UBE2E3: variants seen among roughly 807,000 people sequenced by gnomAD.
UBE2E3 encodes ubiquitin conjugating enzyme E2 E3, also known as ubiquitin-conjugating enzyme E2 E3.
In UBE2E3, 5 loss-of-function variants were observed where a neutral mutation model predicts 23.6. The observed-to-expected ratio is 0.21, with a 90% CI of 0.11 to 0.44. UBE2E3 has a LOEUF of 0.44. UBE2E3 is among the 20% of genes least tolerant of loss of function. The pLI, the probability that UBE2E3 is intolerant of heterozygous loss-of-function variation, is 0.99. For synonymous variants in UBE2E3, 78 were observed against 87.5 expected (o/e 0.89, Z 0.60); for missense variants, 81 against 249.8 (o/e 0.32, Z 4.55).
chr2:181,022,397 C>G (rs752853508), intron 3 of UBE2E3, among the ~76,000 whole-genome samples: 12 of 151,526 alleles, frequency 7.9e-5, no homozygotes. Context: ...TGAACCATTA[C>G]TCCTAGGGGA....
At chr2:181,049,742 A>G (rs1303464457) in intron 3 of UBE2E3, among the ~76,000 whole-genome samples, 2 of 152,042 alleles carry the variant, frequency 1.3e-5, no homozygotes. Flanking sequence ...GTCTTTTTAT[A>G]TGTACACCTG....
chr2:180,993,416 T>A (rs1336590995), intron 3 of UBE2E3, among the ~76,000 whole-genome samples: 1 of 152,222 alleles, frequency 6.6e-6, no homozygotes, highest in African/African-American at 2.4e-5. Context: ...AAATATACTC[T>A]GTCATTCTGT....
intron 3 of UBE2E3, among the ~76,000 whole-genome samples, chr2:181,025,301 T>A (rs913962851): frequency 5.3e-5 from 8 of 151,990 alleles, no homozygotes; most frequent in Middle Eastern, 3.4e-3. Context: ...GACAATGGAG[T>A]GTCTTGCTTT....
chr2:181,042,980 G>GA (rs1216985227), intron 3 of UBE2E3, among the ~76,000 whole-genome samples: 3 of 152,254 alleles, frequency 2.0e-5, no homozygotes, highest in Admixed American at 1.3e-4. Flanking sequence ...ATTGTTACAA[G>GA]AAAGATTGTT....
At chr2:180,990,713 C>T (rs1201654664) in intron 3 of UBE2E3, among the ~76,000 whole-genome samples, 1 of 152,116 alleles carries the variant, frequency 6.6e-6, no homozygotes, top group Non-Finnish European at 1.5e-5. Flanking sequence ...CTGGTTATAT[C>T]TATTATGTTC....
At chr2:181,041,223 A>G (rs1686486803) in intron 3 of UBE2E3, among the ~76,000 whole-genome samples, 1 of 133,924 alleles carries the variant, frequency 7.5e-6, no homozygotes, top group South Asian at 2.5e-4. Flanking sequence ...CGACAGAGCA[A>G]GACTCCGTCT....
At position 181,021,557 on chromosome 2, in the gene UBE2E3, T is replaced by TCCC. The variant is rs1256173512; in HGVS notation, c.246-36136_246-36135insCCC. ...CAACTTTTCTTTTAAATATACTCCC[T>TCCC]TCCTTCCTTCCTTCCTCCCTCCCTC... is the stretch of plus-strand genomic sequence containing the variant. On this transcript the variant is annotated intron_variant, in intron 3 of 5. Coordinates refer to ENST00000410062, the MANE Select transcript of UBE2E3 (RefSeq NM_006357.4). Among the ~76,000 whole-genome samples, 22 of 95,858 alleles carry TCCC rather than the reference T, an allele frequency of 2.3e-4. 1 individual carries two copies. In the East Asian group the frequency reaches 7.4e-3, roughly 32 times the overall value. The allele number at this position is 95,858 out of a possible 152,430, so 62.9% of individuals were successfully genotyped here.
intron 3 of UBE2E3, among the ~76,000 whole-genome samples, chr2:181,037,939 G>C (rs1470208065): frequency 6.6e-6 from 1 of 152,206 alleles, no homozygotes; most frequent in Non-Finnish European, 1.5e-5. Context: ...CTGCACTCTG[G>C]TCTGAGTGAC....
chr2:181,003,779 C>G (rs1046326937), intron 3 of UBE2E3, among the ~76,000 whole-genome samples: 1 of 152,182 alleles, frequency 6.6e-6, no homozygotes, highest in African/African-American at 2.4e-5. Flanking sequence ...CACTTAATTG[C>G]AGCTATACAT....
At chr2:181,010,101 C>T (rs1685274050) in intron 3 of UBE2E3, among the ~76,000 whole-genome samples, 1 of 152,014 alleles carries the variant, frequency 6.6e-6, no homozygotes. Context: ...TTTTACTAAC[C>T]AGAAACAAAG....
intron 3 of UBE2E3, among the ~76,000 whole-genome samples, chr2:180,992,684 CAG>C (rs929080623): frequency 2.0e-5 from 3 of 151,920 alleles, no homozygotes; most frequent in Non-Finnish European, 4.4e-5. Flanking sequence ...TTTTTGGAGA[CAG>C]AGTCTCACTC....
chr2:181,007,055 G>A (rs909770245), intron 3 of UBE2E3, among the ~76,000 whole-genome samples: 2 of 152,110 alleles, frequency 1.3e-5, no homozygotes, highest in Non-Finnish European at 2.9e-5. Context: ...TCAGTCTCAG[G>A]TCTCTTTCAT....
chr2:181,007,768 A>G (rs1159914476), intron 3 of UBE2E3, among the ~76,000 whole-genome samples: 1 of 152,192 alleles, frequency 6.6e-6, no homozygotes, highest in Admixed American at 6.5e-5. Flanking sequence ...GGACAGGAGA[A>G]CTTTCCACAA....
intron 3 of UBE2E3, among the ~76,000 whole-genome samples, chr2:181,027,416 A>T (rs1685930855): frequency 6.6e-6 from 1 of 151,990 alleles, no homozygotes; most frequent in Non-Finnish European, 1.5e-5. Context: ...ATAATTAAAA[A>T]TGCTAAATAA....
At chr2:181,050,907 T>G (rs1049133504) in intron 3 of UBE2E3, among the ~76,000 whole-genome samples, 5 of 151,940 alleles carry the variant, frequency 3.3e-5, no homozygotes, top group African/African-American at 1.2e-4. Context: ...TTCTTTCTTG[T>G]TTCAACGTAC....
rs199933194 is a variant in UBE2E3 at position 181,060,929 on chromosome 2, TAGAA to T, written c.526+121_526+124del. ...TAGATTGAGAGGTAAATGTTATTCA[TAGAA>T]AGATCCCCATAAAACAGTTTGTGAG... On this transcript the variant is annotated intron_variant, in intron 5 of 5. Coordinates refer to ENST00000410062, the MANE Select transcript of UBE2E3 (RefSeq NM_006357.4). 1,021 of 1,043,698 alleles carry T rather than the reference TAGAA, an allele frequency of 9.8e-4. 26 individuals carry two copies. The African/African-American group carries it at 0.017, about 18-fold the overall frequency. 64.7% of individuals were successfully genotyped at this position (1,043,698 alleles called of 1,614,324 possible).
chr2:181,035,670 CAT>C (rs1686248222), intron 3 of UBE2E3, among the ~76,000 whole-genome samples: 1 of 152,108 alleles, frequency 6.6e-6, no homozygotes, highest in Admixed American at 6.6e-5. Context: ...TTCCTTGAAA[CAT>C]TATTAGATTT....
intron 3 of UBE2E3, among the ~76,000 whole-genome samples, chr2:181,033,014 T>C (rs1257264778): frequency 1.3e-5 from 2 of 151,970 alleles, no homozygotes; most frequent in Non-Finnish European, 2.9e-5. Context: ...AAACCACTGC[T>C]CAACGAAATA....
chr2:181,007,558 A>G (rs1170367063), intron 3 of UBE2E3, among the ~76,000 whole-genome samples: 1 of 151,308 alleles, frequency 6.6e-6, no homozygotes, highest in East Asian at 1.9e-4. Flanking sequence ...GCTATAGAAC[A>G]TTGTTCTCTA....
Sources: gnomAD v4.1 joint callset for allele counts (sites outside exome capture counted in the v4.1 genomes callset) on GRCh38, gnomAD v4.1.1 for gene constraint, MANE v1.5 for transcripts, NCBI Gene and HGNC (gene_info 2026-07-23, HGNC 2026-07-21) for gene names.